SMU1: variants seen among roughly 807,000 people sequenced by gnomAD.
SMU1 encodes the protein WD40 repeat-containing protein SMU1.
Under a neutral mutation model 62.0 loss-of-function variants are expected in SMU1, and 2 were observed. The observed-to-expected ratio is 0.03, with a 90% CI of 0.01 to 0.10. The LOEUF (loss-of-function observed/expected upper bound fraction) is 0.10. SMU1 is among the 10% of genes least tolerant of loss of function. The pLI is 1.00. For synonymous variants in SMU1, 188 were observed against 212.4 expected, an observed-to-expected ratio of 0.89 and a Z score of 1.00; for missense variants, 227 against 622.1, an observed-to-expected ratio of 0.36 and a Z score of 6.76.
In SMU1 at chr9:33,042,025, A is replaced by G. The variant is rs1277893412; in HGVS notation, c.*5268T>C. 6.6e-6 allele frequency: 1 copy of G among 152,370 alleles called. No homozygotes were observed. The highest frequency in any genetic ancestry group is 1.5e-5 in the Non-Finnish European group (1 of 68,030). 9.4% of individuals were successfully genotyped at this position (152,370 alleles called of 1,614,324 possible). A position where few individuals can be genotyped will look rare whatever the true frequency, so the allele number is the denominator to read the frequency against. On this transcript the variant is annotated 3_prime_UTR_variant, in exon 12 of 12. Coordinates refer to ENST00000397149, the MANE Select transcript of SMU1 (RefSeq NM_018225.3). Reference sequence around the variant, plus strand: ...GGAAATACAATAGTGGTTGCGTAACATCGTAAATAATGCCACTGAATTGCA... The same window carrying G: ...GGAAATACAATAGTGGTTGCGTAACGTCGTAAATAATGCCACTGAATTGCA...
chr9:33,065,704 A>C (rs1839411993), intron 4 of SMU1, among the ~76,000 whole-genome samples: 1 of 152,200 alleles, frequency 6.6e-6, no homozygotes, highest in African/African-American at 2.4e-5. Context: ...GGCTGAAAAC[A>C]GGGGCAATAT....
At chr9:33,058,012 A>T (rs1400551986) in intron 6 of SMU1, among the ~76,000 whole-genome samples, 1 of 152,200 alleles carries the variant, frequency 6.6e-6, no homozygotes, top group East Asian at 1.9e-4. Flanking sequence ...TTACATCTTT[A>T]ATAAATCTGA....
chr9:33,073,073 A>G (rs540391902), intron 2 of SMU1, among the ~76,000 whole-genome samples: 3 of 152,128 alleles, frequency 2.0e-5, no homozygotes, highest in African/African-American at 7.2e-5. Context: ...ATGGCTCAGG[A>G]TAGGTAGGAG....
intron 1 of SMU1, among the ~76,000 whole-genome samples, chr9:33,074,203 CTGTAAT>C (rs1486168856): frequency 1.1e-4 from 16 of 152,260 alleles, no homozygotes; most frequent in African/African-American, 3.9e-4. Context: ...TGGCTCATGA[CTGTAAT>C]CTCAGTAATT....
intron 4 of SMU1, 114 bp from the exon 5 acceptor site, chr9:33,062,291 T>C: frequency 1.4e-6 from 2 of 1,408,116 alleles, no homozygotes; most frequent in Admixed American, 2.4e-5. Flanking sequence ...GTGAGCCATC[T>C]AAACCCCAAC....
chr9:33,056,623 C>G (rs77520990), intron 8 of SMU1, among the ~76,000 whole-genome samples: 1 of 152,114 alleles, frequency 6.6e-6, no homozygotes, highest in Non-Finnish European at 1.5e-5. Flanking sequence ...ACTGCTACCC[C>G]CTTTCAAATG....
At chr9:33,054,133 A>C (rs1193650005) in intron 9 of SMU1, among the ~76,000 whole-genome samples, 1 of 152,196 alleles carries the variant, frequency 6.6e-6, no homozygotes. Context: ...TAAAATAATT[A>C]AAATAAAATA....
In SMU1 at chr9:33,053,228, C is replaced by T. The variant is rs1839268758; in HGVS notation, c.1185G>A (p.Gly395=). The change falls in exon 10 of 12, where the codon GGG becomes GGA. Residue 395 remains glycine, a synonymous_variant. Transcript: ENST00000397149. ...TCACACTGTTGACGGTAATATCTGTCCCTGCGGTGCTGCCCAGGGATTTAA... is the reference window on the plus strand; with the variant it reads ...TCACACTGTTGACGGTAATATCTGTTCCTGCGGTGCTGCCCAGGGATTTAA... The part of the protein sequence containing the change: ...NTFKSLGSTA[G]TDITVNSVIL... The T allele has an allele frequency of 6.2e-7, 1 of 1,612,524 alleles. No homozygotes were observed. Among genetic ancestry groups the T allele is most frequent in the Non-Finnish European group, 8.5e-7 (1 of 1,179,988 alleles).
chr9:33,059,823 G>T (rs1264497908), intron 6 of SMU1, among the ~76,000 whole-genome samples: 1 of 151,312 alleles, frequency 6.6e-6, no homozygotes, highest in African/African-American at 2.4e-5. Context: ...TGTTGGCCAG[G>T]CTTGTCTCAA....
chr9:33,064,291 C>T (rs543856227), intron 4 of SMU1, among the ~76,000 whole-genome samples: 2 of 152,192 alleles, frequency 1.3e-5, no homozygotes, highest in South Asian at 2.1e-4. Flanking sequence ...GTTCCGTTCT[C>T]GAGTGATGAA....
At chr9:33,052,707 C>A (rs1396694771) in intron 10 of SMU1, among the ~76,000 whole-genome samples, 2 of 152,222 alleles carry the variant, frequency 1.3e-5, no homozygotes, top group Admixed American at 1.3e-4. Flanking sequence ...TAAAAATACA[C>A]CGAGGACACT....
intron 6 of SMU1, among the ~76,000 whole-genome samples, chr9:33,059,047 T>C (rs1256862807): frequency 1.3e-5 from 2 of 152,182 alleles, no homozygotes; most frequent in African/African-American, 4.8e-5. Context: ...TAGAAAAAGA[T>C]GTTTAACTTC....
At chr9:33,059,949 T>C (rs1027784563) in intron 6 of SMU1, among the ~76,000 whole-genome samples, 6 of 152,002 alleles carry the variant, frequency 3.9e-5, no homozygotes, top group African/African-American at 1.2e-4. Context: ...TAATAGATAA[T>C]AAAACAATTA....
intron 10 of SMU1, among the ~76,000 whole-genome samples, chr9:33,050,825 C>CAAAAA (rs771666326): frequency 1.3e-5 from 1 of 78,372 alleles, no homozygotes; most frequent in Non-Finnish European, 2.7e-5. Flanking sequence ...GACTCCATCT[C>CAAAAA]AAAAAAAAAA....
Position 33,053,299 on chromosome 9 carries a change from C to A in SMU1, c.1123-9G>T. ...GTCTTCATATTCCAGATCTACCACACAGAAATTTAAGTTATAAACCTTTTT... is the reference window on the plus strand; with the variant it reads ...GTCTTCATATTCCAGATCTACCACAAAGAAATTTAAGTTATAAACCTTTTT... On this transcript the variant is annotated splice_polypyrimidine_tract_variant and intron_variant, in intron 9 of 11. Transcript: ENST00000397149. 1.9e-6 allele frequency: 3 copies of A among 1,611,222 alleles called. No homozygotes were observed. Among genetic ancestry groups the A allele is most frequent in the Non-Finnish European group, 2.5e-6 (3 of 1,179,584 alleles).
At chr9:33,050,830 A>AAAAAAAAT in intron 10 of SMU1, among the ~76,000 whole-genome samples, 1 of 128,290 alleles carries the variant, frequency 7.8e-6, no homozygotes, top group Non-Finnish European at 1.7e-5. Flanking sequence ...CATCTCAAAA[A>AAAAAAAAT]AAAAAATAAG....
chr9:33,054,165 GCTTTT>G (rs1393114605), intron 9 of SMU1, among the ~76,000 whole-genome samples: 4 of 151,050 alleles, frequency 2.6e-5, no homozygotes, highest in Admixed American at 6.6e-5. Flanking sequence ...AACAAAAACC[GCTTTT>G]CTTTTCTTTT....
At chr9:33,054,299 G>A (rs1367604296) in intron 9 of SMU1, among the ~76,000 whole-genome samples, 2 of 152,062 alleles carry the variant, frequency 1.3e-5, no homozygotes, top group East Asian at 1.9e-4. Flanking sequence ...CTACAGGCAG[G>A]TGCCAATAAG....
At chr9:33,058,032 T>A (rs1042658394) in intron 6 of SMU1, among the ~76,000 whole-genome samples, 1 of 152,234 alleles carries the variant, frequency 6.6e-6, no homozygotes, top group African/African-American at 2.4e-5. Context: ...AATTTACCTA[T>A]TTTTGTATGA....
Sources: gnomAD v4.1 joint callset for allele counts (sites outside exome capture counted in the v4.1 genomes callset) on GRCh38, gnomAD v4.1.1 for gene constraint, MANE v1.5 for transcripts, NCBI Gene and HGNC (gene_info 2026-07-23, HGNC 2026-07-21) for gene names.